HPCAL1: variants seen among roughly 807,000 people sequenced by gnomAD.
HPCAL1 encodes hippocalcin-like protein 1.
In HPCAL1, 8 loss-of-function variants were observed where a neutral mutation model predicts 17.1. The observed-to-expected ratio is 0.47, with a 90% CI of 0.27 to 0.84. The LOEUF (loss-of-function observed/expected upper bound fraction) is 0.84, where lower values mean the gene tolerates loss of function less well. HPCAL1 is among the 40% of genes least tolerant of loss of function. The pLI is 0.13. For synonymous variants in HPCAL1, 112 were observed against 111.4 expected, an observed-to-expected ratio of 1.01 and a Z score of -0.03; for missense variants, 165 against 271.1, an observed-to-expected ratio of 0.61 and a Z score of 2.75.
intron 1 of HPCAL1, among the ~76,000 whole-genome samples, chr2:10,396,277 G>T (rs1669021158): frequency 6.6e-6 from 1 of 152,226 alleles, no homozygotes; most frequent in East Asian, 1.9e-4. Context: ...CAAGGAGGAG[G>T]TCGGGTGATG....
chr2:10,333,742 C>A (rs1023827214), intron 1 of HPCAL1, among the ~76,000 whole-genome samples: 1 of 152,176 alleles, frequency 6.6e-6, no homozygotes, highest in Non-Finnish European at 1.5e-5. Context: ...AACTACCCTG[C>A]CCACCTCCAT....
chr2:10,402,901 G>A (rs544388239), intron 2 of HPCAL1, among the ~76,000 whole-genome samples: 8 of 152,228 alleles, frequency 5.3e-5, no homozygotes, highest in African/African-American at 1.4e-4. Context: ...GAGGACGCGC[G>A]TCTCACAAAC....
chr2:10,368,561 G>T (rs555218510), intron 1 of HPCAL1: 1 of 152,172 alleles, frequency 6.6e-6, no homozygotes, highest in Non-Finnish European at 1.5e-5. Flanking sequence ...CTCTTTCCTC[G>T]AGCTCAGTGC....
At position 10,359,582 on chromosome 2, in the gene HPCAL1, G is replaced by A. The variant is rs1666395829; in HGVS notation, c.-110-37253G>A. 1.3e-5 allele frequency among the ~76,000 whole-genome samples: 2 copies of A among 152,194 alleles called. No individual in the cohort carries two copies. The highest frequency in any genetic ancestry group is 4.1e-4 in the South Asian group (2 of 4,834). ...AGGTGGCCTGGAGGATGAAGTCAGG[G>A]CTCTGGCCTCATTGAGGGCCTGGAA... On this transcript the variant is annotated intron_variant, in intron 1 of 4. Coordinates refer to ENST00000307845, the MANE Select transcript of HPCAL1 (RefSeq NM_002149.4). The surrounding 1 kb of genome is among the most constrained non-coding windows in gnomAD (Gnocchi z 4.1).
chr2:10,324,456 C>T (rs1663862439), intron 1 of HPCAL1: 1 of 152,244 alleles, frequency 6.6e-6, no homozygotes, highest in South Asian at 2.1e-4. Flanking sequence ...GAGACAGTCC[C>T]TTCCCCTTTT....
chr2:10,381,795 A>G (rs896779501), intron 1 of HPCAL1, among the ~76,000 whole-genome samples: 1 of 152,244 alleles, frequency 6.6e-6, no homozygotes, highest in Non-Finnish European at 1.5e-5. Context: ...GTGAAGCCAC[A>G]GGAAGCCTCA....
chr2:10,421,988 G>A (rs3821198), intron 3 of HPCAL1, among the ~76,000 whole-genome samples: 95,381 of 152,076 alleles, frequency 0.63, 31,336 homozygotes, highest in African/African-American at 0.82. Flanking sequence ...GGAATCACCC[G>A]TCCTGTCCTG....
chr2:10,305,580 T>C (rs1026869391), intron 1 of HPCAL1, among the ~76,000 whole-genome samples: 5 of 152,248 alleles, frequency 3.3e-5, no homozygotes, highest in African/African-American at 1.2e-4. Flanking sequence ...GATAACAATT[T>C]GGGAGACTTT....
chr2:10,321,202 A>G (rs1663646928), intron 1 of HPCAL1, among the ~76,000 whole-genome samples: 1 of 152,130 alleles, frequency 6.6e-6, no homozygotes. Flanking sequence ...CAAGAGAGAG[A>G]AAAATGCAAG....
rs17487551 is a variant in HPCAL1 at position 10,380,077 on chromosome 2, T to C, written c.-110-16758T>C. Among the ~76,000 whole-genome samples, 325 of 145,354 alleles carry C rather than the reference T, an allele frequency of 2.2e-3. 2 individuals are homozygous for C. Among genetic ancestry groups the C allele is most frequent in the Non-Finnish European group, 3.7e-3 (251 of 67,114 alleles). ...TCAGAAAAGCTCTGCACAGATTTAA[T>C]TGCACGAGTACCTGCGTCTCAGAGC... On this transcript the variant is annotated intron_variant, in intron 1 of 4. Coordinates refer to ENST00000307845, the MANE Select transcript of HPCAL1 (RefSeq NM_002149.4).
intron 1 of HPCAL1, among the ~76,000 whole-genome samples, chr2:10,346,428 A>G (rs1182643105): frequency 6.6e-6 from 1 of 152,152 alleles, no homozygotes; most frequent in Non-Finnish European, 1.5e-5. Flanking sequence ...TCATCCTCAA[A>G]TGTTAACTTT....
intron 1 of HPCAL1, among the ~76,000 whole-genome samples, chr2:10,306,926 C>T (rs1485451635): frequency 6.6e-6 from 1 of 152,202 alleles, no homozygotes; most frequent in Non-Finnish European, 1.5e-5. Flanking sequence ...CCTCCTCTGC[C>T]AGCAGCAGGG....
intron 1 of HPCAL1, among the ~76,000 whole-genome samples, chr2:10,373,905 G>A (rs1281689428): frequency 6.6e-6 from 1 of 152,178 alleles, no homozygotes; most frequent in Non-Finnish European, 1.5e-5. Flanking sequence ...CAGACAACCC[G>A]GCCATCACAG....
At chr2:10,385,582 A>G (rs1450085897) in intron 1 of HPCAL1, among the ~76,000 whole-genome samples, 1 of 152,086 alleles carries the variant, frequency 6.6e-6, no homozygotes, top group East Asian at 1.9e-4. Context: ...GAAGCTGTAG[A>G]GGAGATCACG....
At chr2:10,341,356 C>T (rs1455703517) in intron 1 of HPCAL1, among the ~76,000 whole-genome samples, 5 of 151,996 alleles carry the variant, frequency 3.3e-5, no homozygotes, top group South Asian at 4.2e-4. Flanking sequence ...GAGACTGAAG[C>T]GGGAGGATCA....
At chr2:10,410,436 C>CTTTTTTTTTTTTTTTTTTTTT (rs36002921) in intron 2 of HPCAL1, among the ~76,000 whole-genome samples, 14 of 77,514 alleles carry the variant, frequency 1.8e-4, no homozygotes, top group South Asian at 6.0e-4. Context: ...TCTTCTTCTT[C>CTTTTTTTTTTTTTTTTTTTTT]TTTTTTTTTT....
At chr2:10,322,816 C>T (rs145745737) in intron 1 of HPCAL1, among the ~76,000 whole-genome samples, 1 of 152,356 alleles carries the variant, frequency 6.6e-6, no homozygotes, top group East Asian at 1.9e-4. Context: ...TGCTCTGTGA[C>T]ACAAAGAAGA....
Position 10,331,039 on chromosome 2 carries a change from C to A in HPCAL1, c.-111+27862C>A, listed in dbSNP as rs942680537. Among the ~76,000 whole-genome samples the A allele has an allele frequency of 6.6e-6, 1 of 152,150 alleles. No individual in the cohort carries two copies. Among genetic ancestry groups the A allele is most frequent in the East Asian group, 1.9e-4 (1 of 5,178 alleles). ...CTGTGTCTTGCCATCTTGGCTTCTTCCTCATCCCGCCTCTCGCTCCATCTC... is the reference window on the plus strand; with the variant it reads ...CTGTGTCTTGCCATCTTGGCTTCTTACTCATCCCGCCTCTCGCTCCATCTC... On this transcript the variant is annotated intron_variant, in intron 1 of 4. Transcript: ENST00000307845. The surrounding 1 kb of genome is among the most constrained non-coding windows in gnomAD (Gnocchi z 5.0).
chr2:10,319,343 C>T (rs1053462564), intron 1 of HPCAL1, among the ~76,000 whole-genome samples: 19 of 152,178 alleles, frequency 1.2e-4, no homozygotes, highest in Admixed American at 2.0e-4. Flanking sequence ...AGGAAGCCCC[C>T]GTGCCTGTGG....
Sources: gnomAD v4.1 joint callset for allele counts (sites outside exome capture counted in the v4.1 genomes callset) on GRCh38, gnomAD v4.1.1 for gene constraint, Gnocchi (gnomAD v3.1) non-coding constraint, MANE v1.5 for transcripts, NCBI Gene and HGNC (gene_info 2026-07-23, HGNC 2026-07-21) for gene names.